The following CTNNA2 variants were observed in gnomAD, a reference collection of about 807,000 sequenced individuals.
CTNNA2 encodes catenin alpha 2, also known as catenin alpha-2.
CTNNA2 carries 42 observed loss-of-function variants against 101.0 expected under a neutral mutation model. The ratio of observed to expected loss-of-function variants is 0.42; its 90% CI spans 0.32 to 0.54. The LOEUF (loss-of-function observed/expected upper bound fraction) is 0.54. Among genes scored for constraint, CTNNA2 ranks in the 20% least tolerant of loss-of-function variants. The pLI, the probability that CTNNA2 is intolerant of heterozygous loss-of-function variation, is 0.14. For synonymous variants in CTNNA2, 450 were observed against 456.4 expected (o/e 0.99, Z 0.18); for missense variants, 871 against 1,223.1 (o/e 0.71, Z 4.29).
rs1413490149 is a variant in CTNNA2 at position 80,277,145 on chromosome 2, C to T, written c.1057-116066C>T. ...CCTTATAAAAGGTATACCTCAGGAACAACCAAATGGGGAAACTGTGTAGGA... is the reference window on the plus strand; with the variant it reads ...CCTTATAAAAGGTATACCTCAGGAATAACCAAATGGGGAAACTGTGTAGGA... On this transcript the variant is annotated intron_variant, in intron 7 of 18. Coordinates refer to ENST00000402739, the MANE Select transcript of CTNNA2 (RefSeq NM_001282597.3). Among the ~76,000 whole-genome samples, 4 of 151,960 alleles carry T rather than the reference C, an allele frequency of 2.6e-5. No individual in the cohort carries two copies. The East Asian group carries it at 7.7e-4, about 29-fold the overall frequency.
chr2:79,290,567 C>T (rs1461056126), intron 2 of CTNNA2, among the ~76,000 whole-genome samples: 1 of 152,114 alleles, frequency 6.6e-6, no homozygotes, highest in Non-Finnish European at 1.5e-5. Flanking sequence ...AGTGACTCAT[C>T]GTCGAGAGGA....
At chr2:80,322,905 G>A (rs1678857550) in intron 7 of CTNNA2, among the ~76,000 whole-genome samples, 3 of 152,212 alleles carry the variant, frequency 2.0e-5, no homozygotes, top group African/African-American at 7.2e-5. Flanking sequence ...TTCCCATGCA[G>A]TTCCCTTTGT....
At chr2:79,601,127 T>C (rs1677528502) in intron 1 of CTNNA2, among the ~76,000 whole-genome samples, 1 of 152,182 alleles carries the variant, frequency 6.6e-6, no homozygotes, top group Admixed American at 6.5e-5. Context: ...CAGATAGAAA[T>C]ATGAATTTGT....
intron 3 of CTNNA2, among the ~76,000 whole-genome samples, chr2:79,819,445 T>A (rs1463111829): frequency 1.3e-5 from 2 of 152,218 alleles, no homozygotes; most frequent in African/African-American, 4.8e-5. Context: ...TGCATTTTTG[T>A]ATGTCCTTTG....
At chr2:79,779,817 C>G (rs889647476) in intron 3 of CTNNA2, among the ~76,000 whole-genome samples, 6 of 152,134 alleles carry the variant, frequency 3.9e-5, no homozygotes, top group African/African-American at 1.4e-4. Flanking sequence ...CTAAGCCCCC[C>G]AGCCATCTGA....
chr2:80,047,772 A>C (rs1007406537), intron 7 of CTNNA2, among the ~76,000 whole-genome samples: 1 of 152,194 alleles, frequency 6.6e-6, no homozygotes, highest in Admixed American at 6.5e-5. Flanking sequence ...GGGGAAAATT[A>C]GCAAGTAAGA....
intron 18 of CTNNA2, among the ~76,000 whole-genome samples, chr2:80,625,351 ATGAAATATGTTTT>A (rs1266697159): frequency 1.3e-5 from 2 of 152,048 alleles, no homozygotes; most frequent in Non-Finnish European, 2.9e-5. Context: ...AAAATGCACT[ATGAAATATGTTTT>A]TTCAATTGTG....
At chr2:79,909,483 C>T (rs975221349) in intron 6 of CTNNA2, 111 bp from the exon 7 acceptor site, 1 of 794,430 alleles carries the variant, frequency 1.3e-6, no homozygotes, top group Non-Finnish European at 2.0e-6. Context: ...CCAGTTTCTC[C>T]TCCTTGGGGA....
chr2:80,415,535 G>A (rs748605918), intron 8 of CTNNA2, among the ~76,000 whole-genome samples: 6 of 152,090 alleles, frequency 3.9e-5, no homozygotes, highest in Non-Finnish European at 8.8e-5. Context: ...GTATGCATAT[G>A]TTTTCAATTT....
chr2:80,003,289 GT>G lies in CTNNA2; in HGVS notation c.1056+93494del, dbSNP rs144483141. Among the ~76,000 whole-genome samples the G allele has an allele frequency of 9.9e-3, 1,511 of 152,256 alleles. 24 individuals are homozygous for G. Among genetic ancestry groups the G allele is most frequent in the African/African-American group, 0.034 (1,430 of 41,530 alleles). The stretch of plus-strand genomic sequence containing the variant: ...TTTTGCCCCACCTTCTCTTAATTGA[GT>G]TATTACTTCTACCTTTCATTGATTC... On this transcript the variant is annotated intron_variant, in intron 7 of 18. Transcript: ENST00000402739.
chr2:79,715,037 CAAAAA>C (rs60331511), intron 2 of CTNNA2, among the ~76,000 whole-genome samples: 1 of 97,136 alleles, frequency 1.0e-5, no homozygotes, highest in African/African-American at 3.7e-5. Flanking sequence ...CTAAAAATAC[CAAAAA>C]AAAAAAAAAA....
chr2:80,581,129 C>T (rs1342375086), intron 13 of CTNNA2, among the ~76,000 whole-genome samples: 1 of 152,130 alleles, frequency 6.6e-6, no homozygotes, highest in Non-Finnish European at 1.5e-5. Context: ...ATAGAGGTAG[C>T]TACTATTATC....
intron 7 of CTNNA2, among the ~76,000 whole-genome samples, chr2:80,355,188 A>G (rs550935088): frequency 1.3e-5 from 2 of 152,194 alleles, no homozygotes; most frequent in Admixed American, 1.3e-4. Context: ...TTTCCTTAGT[A>G]ATATCACTGT....
intron 17 of CTNNA2, among the ~76,000 whole-genome samples, chr2:80,612,739 C>A (rs553094341): frequency 2.0e-5 from 3 of 151,406 alleles, no homozygotes; most frequent in South Asian, 2.1e-4. Flanking sequence ...ATTAAGCAAC[C>A]TTTTTTTCTT....
At chr2:80,282,710 T>C (rs758490998) in intron 7 of CTNNA2, among the ~76,000 whole-genome samples, 25 of 152,174 alleles carry the variant, frequency 1.6e-4, no homozygotes, top group South Asian at 4.1e-4. Context: ...AATAGAAATG[T>C]ACTTTTAAAA....
intron 7 of CTNNA2, among the ~76,000 whole-genome samples, chr2:79,913,183 G>T (rs1685931847): frequency 6.6e-6 from 1 of 152,156 alleles, no homozygotes; most frequent in African/African-American, 2.4e-5. Context: ...CTAAAACATG[G>T]GAGTTAGAGG....
At chr2:79,467,495 G>C (rs1025342326) in intron 4 of CTNNA2, among the ~76,000 whole-genome samples, 7 of 152,128 alleles carry the variant, frequency 4.6e-5, no homozygotes. Context: ...TAGCAAGGCA[G>C]GCCAACATTT....
chr2:79,317,565 C>T (rs1676526261), intron 3 of CTNNA2, among the ~76,000 whole-genome samples: 1 of 152,068 alleles, frequency 6.6e-6, no homozygotes, highest in Admixed American at 6.6e-5. Flanking sequence ...GGACTCCTTT[C>T]ATCAGAGTGT....
At chr2:79,427,506 T>C (rs1198454762) in intron 4 of CTNNA2, among the ~76,000 whole-genome samples, 1 of 152,124 alleles carries the variant, frequency 6.6e-6, no homozygotes, top group Non-Finnish European at 1.5e-5. Flanking sequence ...TATTCATGTA[T>C]TTATCTAAAC....
Sources: gnomAD v4.1 joint callset for allele counts (sites outside exome capture counted in the v4.1 genomes callset) on GRCh38, gnomAD v4.1.1 for gene constraint, MANE v1.5 for transcripts, NCBI Gene and HGNC (gene_info 2026-07-23, HGNC 2026-07-21) for gene names.